The following ASIC1 variants were observed in gnomAD, a reference collection of about 807,000 sequenced individuals.
ASIC1 encodes acid sensing ion channel subunit 1.
Under a neutral mutation model 63.4 loss-of-function variants are expected in ASIC1, and 21 were observed. The ratio of observed to expected loss-of-function variants is 0.33; its 90% CI spans 0.23 to 0.48. The LOEUF (loss-of-function observed/expected upper bound fraction) is 0.48. ASIC1 is among the 20% of genes least tolerant of loss of function. ASIC1 has a pLI of 0.99. For synonymous variants in ASIC1, 258 were observed against 278.2 expected, an observed-to-expected ratio of 0.93 and a Z score of 0.72; for missense variants, 478 against 695.5, an observed-to-expected ratio of 0.69 and a Z score of 3.52.
At chr12:50,073,459 A>G (rs1950619009) in intron 3 of ASIC1, 5 of 1,423,816 alleles carry the variant, frequency 3.5e-6, no homozygotes, top group Admixed American at 2.9e-5. Flanking sequence ...AGCTGGGCTG[A>G]GATACCTGGC....
chr12:50,077,935 C>T, intron 4 of ASIC1, 65 bp from the exon 5 acceptor site: 3 of 1,551,290 alleles, frequency 1.9e-6, no homozygotes, highest in South Asian at 1.3e-5. Flanking sequence ...GTAGGATGCC[C>T]CCAGGTCTGA....
At chr12:50,062,434 G>C (rs139395954) in intron 3 of ASIC1, among the ~76,000 whole-genome samples, 233 of 152,348 alleles carry the variant, frequency 1.5e-3, no homozygotes, top group African/African-American at 4.8e-3. Context: ...ATCTTCTGCA[G>C]CCTTCAGAGC....
At chr12:50,079,821 G>A in intron 7 of ASIC1, 81 bp from the exon 8 acceptor site, 4 of 1,481,174 alleles carry the variant, frequency 2.7e-6, no homozygotes, top group Non-Finnish European at 3.6e-6. Context: ...AGTTTCTCTG[G>A]GCAGAGCTAG....
At chr12:50,063,582 CCTT>C (rs1384186926) in intron 3 of ASIC1, among the ~76,000 whole-genome samples, 3 of 152,046 alleles carry the variant, frequency 2.0e-5, no homozygotes, top group Non-Finnish European at 4.4e-5. Flanking sequence ...CCACAGGAGT[CCTT>C]CTCAGGACCC....
chr12:50,071,893 A>C (rs776461019), intron 3 of ASIC1, among the ~76,000 whole-genome samples: 2 of 152,132 alleles, frequency 1.3e-5, no homozygotes, highest in Non-Finnish European at 2.9e-5. Context: ...AGGCAGGGAG[A>C]CCAGTTGAGA....
In ASIC1 at chr12:50,081,319, T is replaced by A; in HGVS notation, c.1437T>A (p.Ser479Arg). ...GKCQKEAKRS[S>R]ADKGVALSLD... The stretch of plus-strand genomic sequence containing the variant: ...GCCAGAAGGAGGCCAAAAGGAGCAG[T>A]GCGGACAAGGGCGTGGCCCTCAGCC... Residue 479 changes from serine to arginine, a missense_variant, in exon 11 of 12, where the codon AGT becomes AGA. Transcript: ENST00000447966. 6.2e-7 allele frequency: 1 copy of A among 1,611,258 alleles called. No individual in the cohort carries two copies. Among genetic ancestry groups the A allele is most frequent in the Non-Finnish European group, 8.5e-7 (1 of 1,178,804 alleles).
intron 3 of ASIC1, among the ~76,000 whole-genome samples, chr12:50,063,018 G>T (rs1235771183): frequency 6.6e-6 from 1 of 152,134 alleles, no homozygotes; most frequent in Non-Finnish European, 1.5e-5. Context: ...AACCTGGCTG[G>T]GAAGGTTTCA....
At position 50,078,695 on chromosome 12, in the gene ASIC1, A is replaced by G. The variant is rs1950684059; in HGVS notation, c.994+118A>G. On this transcript the variant is annotated intron_variant, in intron 6 of 11. Coordinates refer to ENST00000447966, the MANE Select transcript of ASIC1 (RefSeq NM_001095.4). This position sits in a 1 kb window ranked among gnomAD's most constrained non-coding sequence, Gnocchi z 6.0. ...TTCCAGCCCACCCCATCCCACACCC[A>G]CCTGGCTCATGTCTCTCTGACCTCA... 6.8e-7 allele frequency: 1 copy of G among 1,467,844 alleles called. No individual in the cohort carries two copies. The allele number at this position is 1,467,844 out of a possible 1,614,324, so 90.9% of individuals were successfully genotyped here.
chr12:50,063,899 A>G (rs1379490631), intron 3 of ASIC1, among the ~76,000 whole-genome samples: 1 of 152,090 alleles, frequency 6.6e-6, no homozygotes, highest in Non-Finnish European at 1.5e-5. Flanking sequence ...ATGCTGCCCC[A>G]TAGAAGCTCA....
At position 50,077,164 on chromosome 12, in the gene ASIC1, G is replaced by A. The variant is rs142380821; in HGVS notation, c.559-49G>A. The stretch of plus-strand genomic sequence containing the variant: ...GGTGGCTAGGAACAGCCCTTGGTGA[G>A]TAGAGGGTGCTGGCAGGACTCTTAG... On this transcript the variant is annotated intron_variant, in intron 3 of 11. Coordinates refer to ENST00000447966, the MANE Select transcript of ASIC1 (RefSeq NM_001095.4). 323 of 1,606,560 alleles carry A rather than the reference G, an allele frequency of 2.0e-4. 1 individual carries two copies. In the African/African-American group the frequency reaches 3.3e-3, roughly 16 times the overall value.
Position 50,059,968 on chromosome 12 carries a change from T to C in ASIC1, c.558+14T>C. On this transcript the variant is annotated intron_variant, in intron 3 of 11. Transcript: ENST00000447966. The surrounding 1 kb of genome is among the most constrained non-coding windows in gnomAD (Gnocchi z 4.6). ...GACTTCAAGGTGGTGAGTCCCCTCGTGTGGGGTGTGAGTCAGCCTGGCCCA... is the reference window on the plus strand; with the variant it reads ...GACTTCAAGGTGGTGAGTCCCCTCGCGTGGGGTGTGAGTCAGCCTGGCCCA... 3 of 1,612,198 alleles carry C rather than the reference T, an allele frequency of 1.9e-6. No homozygotes were observed. Among genetic ancestry groups the C allele is most frequent in the Non-Finnish European group, 2.5e-6 (3 of 1,179,030 alleles).
chr12:50,081,599 A>G lies in ASIC1; in HGVS notation c.1537A>G (p.Ile513Val), dbSNP rs1157921866. 5.6e-6 allele frequency: 9 copies of G among 1,613,928 alleles called. No individual in the cohort carries two copies. The Admixed American group carries it at 1.3e-4, about 24-fold the overall frequency. ...TGCCGGGATGACATACGCTGCCAAC[A>G]TCCTACCTCACCATCCGGCCCGAGG... The part of the protein sequence containing the change: ...HPAGMTYAAN[I>V]LPHHPARGTF... Residue 513 changes from isoleucine to valine, a missense_variant, in exon 12 of 12, where the codon ATC becomes GTC. Ile to Val is a conservative substitution (Grantham distance 29). Around this residue, in one of 3 missense-constraint regions of ASIC1, gnomAD observed 104 missense variants for 97.0 expected, o/e 1.07. Transcript: ENST00000447966.
intron 3 of ASIC1, among the ~76,000 whole-genome samples, chr12:50,070,461 G>A (rs1316573873): frequency 6.6e-6 from 1 of 151,944 alleles, no homozygotes; most frequent in African/African-American, 2.4e-5. Context: ...CTGCGTGTCT[G>A]TGTGGTAATG....
chr12:50,058,802 C>A lies in ASIC1; in HGVS notation c.36C>A (p.Gly12=), dbSNP rs145170340. Residue 12 remains glycine (G), a synonymous_variant, in exon 2 of 12, where the codon GGC becomes GGA. Coordinates refer to ENST00000447966, the MANE Select transcript of ASIC1 (RefSeq NM_001095.4). ...AGGCCGAGGAGGAGGAGGTGGGTGG[C>A]GTCCAGCCGGTGAGCATCCAGGCCT... ...ELKAEEEEVG[G]VQPVSIQAFA... 1.3e-6 allele frequency: 2 copies of A among 1,596,840 alleles called. No homozygotes were observed. Among genetic ancestry groups the A allele is most frequent in the Non-Finnish European group, 1.7e-6 (2 of 1,168,412 alleles).
At chr12:50,069,888 C>T (rs79735135) in intron 3 of ASIC1, among the ~76,000 whole-genome samples, 30,579 of 152,106 alleles carry the variant, frequency 0.2, 4,089 homozygotes, top group South Asian at 0.31. Context: ...GACCTCATTC[C>T]AGCCTCCAGC....
intron 3 of ASIC1, among the ~76,000 whole-genome samples, chr12:50,061,956 C>T (rs1416750994): frequency 1.3e-5 from 2 of 152,198 alleles, no homozygotes; most frequent in Non-Finnish European, 2.9e-5. Context: ...CACCCTGCAG[C>T]CCCAGCTGTG....
rs1950707952 is a variant in ASIC1 at position 50,080,822 on chromosome 12, A to G, written c.1297+233A>G. On this transcript the variant is annotated intron_variant, in intron 9 of 11. Coordinates refer to ENST00000447966, the MANE Select transcript of ASIC1 (RefSeq NM_001095.4). Reference sequence around the variant, plus strand: ...GGGCATGAGGGAGGGGTAGGCATGGAAGTGGAGACTATTTCATATGCCCCT... The same window carrying G: ...GGGCATGAGGGAGGGGTAGGCATGGGAGTGGAGACTATTTCATATGCCCCT... 22 of 1,138,012 alleles carry G rather than the reference A, an allele frequency of 1.9e-5. No homozygotes were observed. In the South Asian group the frequency reaches 2.6e-4, roughly 14 times the overall value. The allele number at this position is 1,138,012 out of a possible 1,614,324, so 70.5% of individuals were successfully genotyped here. A position where few individuals can be genotyped will look rare whatever the true frequency, so the allele number is the denominator to read the frequency against.
At chr12:50,073,813 A>G (rs921796525) in intron 3 of ASIC1, 2 of 1,533,398 alleles carry the variant, frequency 1.3e-6, no homozygotes, top group African/African-American at 2.7e-5. Context: ...CCATGGCACC[A>G]ACCACATTTT....
Position 50,078,049 on chromosome 12 carries a change from T to C in ASIC1, c.759T>C (p.Asp253=), listed in dbSNP as rs1950675760. The change falls in exon 5 of 12, where the codon GAT becomes GAC. Residue 253 remains aspartate, a synonymous_variant. Coordinates refer to ENST00000447966, the MANE Select transcript of ASIC1 (RefSeq NM_001095.4). The surrounding 1 kb of genome is among the most constrained non-coding windows in gnomAD (Gnocchi z 6.0). ...TCAAAGTGCAGATCCATAGTCAGGATGAACCTCCTTTCATCGACCAGCTGG... is the reference window on the plus strand; with the variant it reads ...TCAAAGTGCAGATCCATAGTCAGGACGAACCTCCTTTCATCGACCAGCTGG... The part of the protein sequence containing the change: ...AGIKVQIHSQ[D]EPPFIDQLGF... 6.2e-7 allele frequency: 1 copy of C among 1,614,032 alleles called. No individual in the cohort carries two copies. Among genetic ancestry groups the C allele is most frequent in the Non-Finnish European group, 8.5e-7 (1 of 1,179,962 alleles).
Sources: allele counts gnomAD v4.1 joint callset (sites outside exome capture counted in the v4.1 genomes callset), GRCh38; gene constraint gnomAD v4.1.1; regional missense constraint gnomAD v4.1.1; non-coding constraint Gnocchi (gnomAD v3.1); transcripts MANE v1.5; gene names NCBI Gene and HGNC (gene_info 2026-07-23, HGNC 2026-07-21).